The following TENM4 variants were observed in gnomAD, a reference collection of about 807,000 sequenced individuals.
The protein encoded by TENM4 is teneurin-4.
Under a neutral mutation model 243.3 loss-of-function variants are expected in TENM4, and 82 were observed. That is an observed-to-expected ratio of 0.34 (90% confidence interval 0.28 to 0.40). TENM4 has a LOEUF of 0.40. TENM4 is among the 10% of genes least tolerant of loss of function. The pLI is 1.00. For missense variants in TENM4, 3,138 were observed against 3,673.3 expected, an observed-to-expected ratio of 0.85 and a Z score of 3.77; for synonymous variants, 1,412 against 1,456.3, an observed-to-expected ratio of 0.97 and a Z score of 0.69.
In TENM4 at chr11:78,733,373, A is replaced by G. The variant is rs371374133; in HGVS notation, c.2877-796T>C. ...CCTCCTAGTCCTAGTTCTGTCTTCA[A>G]TGTGACACCAAATGGGTTTGCTCTA... On this transcript the variant is annotated intron_variant, in intron 20 of 33. Transcript: ENST00000278550. 1.1e-4 allele frequency among the ~76,000 whole-genome samples: 17 copies of G among 152,266 alleles called. No homozygotes were observed. The South Asian group carries it at 3.5e-3, about 32-fold the overall frequency.
At chr11:78,926,646 T>G (rs1406643914) in intron 6 of TENM4, among the ~76,000 whole-genome samples, 2 of 151,488 alleles carry the variant, frequency 1.3e-5, no homozygotes, top group Non-Finnish European at 2.9e-5. Flanking sequence ...TCACTTTCAT[T>G]TAGAAATAAT....
At chr11:79,323,010 T>C (rs895295378) in intron 1 of TENM4, among the ~76,000 whole-genome samples, 3 of 152,206 alleles carry the variant, frequency 2.0e-5, no homozygotes, top group Admixed American at 2.0e-4. Flanking sequence ...GATTCTCAAA[T>C]GGGCCTAAGA....
intron 1 of TENM4, among the ~76,000 whole-genome samples, chr11:79,363,390 G>T (rs1004809483): frequency 6.6e-6 from 1 of 152,214 alleles, no homozygotes; most frequent in African/African-American, 2.4e-5. Context: ...GTGGAACTGG[G>T]AAAGGTATTA....
intron 6 of TENM4, among the ~76,000 whole-genome samples, chr11:78,991,876 C>T (rs1858055601): frequency 6.6e-6 from 1 of 152,204 alleles, no homozygotes; most frequent in Non-Finnish European, 1.5e-5. Context: ...CCCTGTGCTG[C>T]TGCTGGTGGA....
Position 78,889,774 on chromosome 11 carries a change from G to T in TENM4, c.1084+11C>A. 1 of 1,551,584 alleles carries T rather than the reference G, an allele frequency of 6.4e-7. No homozygotes were observed. On this transcript the variant is annotated intron_variant, in intron 9 of 33. Transcript: ENST00000278550. The stretch of plus-strand genomic sequence containing the variant: ...GAGGAGCAAGGGGAGCTGGGGTGAA[G>T]AGGTGCTTACCCACAAAGTATGCCA...
At chr11:79,068,692 G>A (rs889875691) in intron 5 of TENM4, among the ~76,000 whole-genome samples, 3 of 152,190 alleles carry the variant, frequency 2.0e-5, no homozygotes, top group Non-Finnish European at 4.4e-5. Flanking sequence ...TCAGGCATTG[G>A]TCATGACCCA....
Position 79,064,613 on chromosome 11 carries a change from T to C in TENM4, c.493+125A>G, listed in dbSNP as rs934331998. 4.6e-6 allele frequency: 6 copies of C among 1,310,162 alleles called. No homozygotes were observed. The African/African-American group carries it at 8.8e-5, about 19-fold the overall frequency. The allele number at this position is 1,310,162 out of a possible 1,614,324, so 81.2% of individuals were successfully genotyped here. A position where few individuals can be genotyped will look rare whatever the true frequency, so the allele number is the denominator to read the frequency against. Reference sequence around the variant, plus strand: ...CCAAGAGACTCTGACATTTGACCCCTGAGAGTAAAGCAATTTTTCACCAAC... The same window carrying C: ...CCAAGAGACTCTGACATTTGACCCCCGAGAGTAAAGCAATTTTTCACCAAC... On this transcript the variant is annotated intron_variant, in intron 6 of 33. Transcript: ENST00000278550.
chr11:78,766,528 A>G (rs1591007243), intron 18 of TENM4, among the ~76,000 whole-genome samples: 1 of 152,094 alleles, frequency 6.6e-6, no homozygotes, highest in Non-Finnish European at 1.5e-5. Context: ...CTGCTTGTCT[A>G]CCTTCTGGTC....
intron 19 of TENM4, chr11:78,749,455 G>C (rs1856131115): frequency 1.3e-5 from 2 of 151,468 alleles, no homozygotes; most frequent in African/African-American, 4.9e-5. Context: ...TCAGAGGCCA[G>C]CTGTCAGGAA....
chr11:78,786,975 C>T lies in TENM4; in HGVS notation c.2288G>A (p.Arg763His), dbSNP rs1856950621. 4 of 1,591,282 alleles carry T rather than the reference C, an allele frequency of 2.5e-6. No individual in the cohort carries two copies. Among genetic ancestry groups the T allele is most frequent in the East Asian group, 2.3e-5 (1 of 43,566 alleles). ...GCGGCAGGTCCCATGCTCGGCACAG[C>T]GCGGGTGGCAGGCCCGCTGGTCGCA... ...AACDQRACHP[R>H]CAEHGTCRDG... Residue 763 changes from arginine to histidine, a missense_variant, in exon 16 of 34, where the codon CGC becomes CAC. Physicochemically the swap from Arg to His is conservative, Grantham distance 29. This residue lies in a region of TENM4 where 2,467 missense variants were observed against 3,059.1 expected (regional missense o/e 0.81). Coordinates refer to ENST00000278550, the MANE Select transcript of TENM4 (RefSeq NM_001098816.3).
chr11:79,182,986 A>G (rs1453345189), intron 3 of TENM4, among the ~76,000 whole-genome samples: 1 of 152,162 alleles, frequency 6.6e-6, no homozygotes, highest in African/African-American at 2.4e-5. Context: ...GCTACTTTGG[A>G]AGACAGTTTG....
At chr11:78,849,027 C>T (rs939221531) in intron 12 of TENM4, among the ~76,000 whole-genome samples, 1 of 152,192 alleles carries the variant, frequency 6.6e-6, no homozygotes, top group South Asian at 2.1e-4. Context: ...AACAGCAATT[C>T]TCATTTCTTT....
chr11:79,132,074 G>A (rs1212971491), intron 4 of TENM4, among the ~76,000 whole-genome samples: 2 of 151,966 alleles, frequency 1.3e-5, no homozygotes, highest in African/African-American at 2.4e-5. Context: ...TAGGCATGGT[G>A]GCTCCTGCCT....
intron 1 of TENM4, among the ~76,000 whole-genome samples, chr11:79,401,290 G>A (rs1858456585): frequency 6.6e-6 from 1 of 152,130 alleles, no homozygotes; most frequent in South Asian, 2.1e-4. Context: ...CATGATTCCT[G>A]CCCTCTCGGA....
chr11:79,228,544 C>A (rs994508183), intron 2 of TENM4, among the ~76,000 whole-genome samples: 1 of 152,116 alleles, frequency 6.6e-6, no homozygotes, highest in African/African-American at 2.4e-5. Context: ...ACCTCACGTG[C>A]CCACCCACGC....
intron 3 of TENM4, among the ~76,000 whole-genome samples, chr11:79,169,807 C>G (rs1244798912): frequency 6.6e-6 from 1 of 152,216 alleles, no homozygotes. Flanking sequence ...GCATAAGGAG[C>G]TGGCAGACAG....
chr11:79,038,101 C>T lies in TENM4; in HGVS notation c.493+26637G>A, dbSNP rs115209483. 9.4e-3 allele frequency among the ~76,000 whole-genome samples: 1,434 copies of T among 152,334 alleles called. 22 individuals carry two copies. Among genetic ancestry groups the T allele is most frequent in the African/African-American group, 0.032 (1,347 of 41,566 alleles). On this transcript the variant is annotated intron_variant, in intron 6 of 33. Coordinates refer to ENST00000278550, the MANE Select transcript of TENM4 (RefSeq NM_001098816.3). ...CAAAGGAAGCCGGAGACAACCATCG[C>T]CTGAGACATCTGTTTTGTTCATCAT...
At chr11:78,894,888 G>T (rs1391913406) in intron 7 of TENM4, among the ~76,000 whole-genome samples, 3 of 151,496 alleles carry the variant, frequency 2.0e-5, no homozygotes, top group African/African-American at 7.3e-5. Flanking sequence ...CAGCTACTGG[G>T]GAGGCTGAGG....
At chr11:78,941,433 A>C (rs1294206124) in intron 6 of TENM4, among the ~76,000 whole-genome samples, 6 of 152,200 alleles carry the variant, frequency 3.9e-5, no homozygotes, top group Non-Finnish European at 8.8e-5. Context: ...GGACTTGCCT[A>C]AAGCATTTGG....
Sources: gnomAD v4.1 joint callset for allele counts (sites outside exome capture counted in the v4.1 genomes callset) on GRCh38, gnomAD v4.1.1 for gene constraint, gnomAD v4.1.1 regional missense constraint, MANE v1.5 for transcripts, NCBI Gene and HGNC (gene_info 2026-07-23, HGNC 2026-07-21) for gene names.